HERPUD2: variants seen among roughly 807,000 people sequenced by gnomAD.
The protein encoded by HERPUD2 is homocysteine-responsive endoplasmic reticulum-resident ubiquitin-like domain member 2 protein.
A neutral mutation model predicts 49.9 loss-of-function variants in HERPUD2; 13 were observed. The observed-to-expected ratio is 0.26, with a 90% confidence interval of 0.17 to 0.41. The LOEUF (loss-of-function observed/expected upper bound fraction) is 0.41, where lower values mean the gene tolerates loss of function less well. Ranked by LOEUF, HERPUD2 falls within the 10% of genes least tolerant of loss-of-function variation. The pLI is 1.00. For missense variants in HERPUD2, 449 were observed against 492.2 expected (o/e 0.91, Z 0.83); for synonymous variants, 172 against 171.4 (o/e 1.00, Z -0.03).
At chr7:35,687,870 A>C (rs1288375291) in intron 2 of HERPUD2, among the ~76,000 whole-genome samples, 2 of 152,196 alleles carry the variant, frequency 1.3e-5, no homozygotes, top group Non-Finnish European at 2.9e-5. Flanking sequence ...CAAATGATTA[A>C]ATTTTTTATG....
intron 2 of HERPUD2, among the ~76,000 whole-genome samples, chr7:35,693,860 A>C (rs557466424): frequency 6.6e-6 from 1 of 151,980 alleles, no homozygotes; most frequent in Admixed American, 6.5e-5. Context: ...CTGGTCTCGA[A>C]CTCCTGACCT....
intron 2 of HERPUD2, among the ~76,000 whole-genome samples, chr7:35,678,046 T>A (rs1250672402): frequency 4.6e-5 from 7 of 152,124 alleles, no homozygotes; most frequent in Non-Finnish European, 7.4e-5. Flanking sequence ...TCAGTTAACA[T>A]CAGGTGCAAA....
intron 5 of HERPUD2, among the ~76,000 whole-genome samples, chr7:35,639,592 C>G (rs1240803277): frequency 6.6e-6 from 1 of 152,154 alleles, no homozygotes; most frequent in Non-Finnish European, 1.5e-5. Context: ...AGAAAATGCA[C>G]AATTCTTTGT....
At chr7:35,672,324 T>C (rs1349351171) in intron 3 of HERPUD2, among the ~76,000 whole-genome samples, 1 of 151,878 alleles carries the variant, frequency 6.6e-6, no homozygotes, top group Non-Finnish European at 1.5e-5. Context: ...TCCACTATTT[T>C]TGAGGGAGTG....
intron 5 of HERPUD2, among the ~76,000 whole-genome samples, chr7:35,643,567 T>A (rs903649059): frequency 5.3e-5 from 8 of 151,994 alleles, no homozygotes; most frequent in African/African-American, 1.7e-4. Flanking sequence ...AACATTTGTA[T>A]AAGAATGAGG....
chr7:35,675,487 T>A (rs1006499949), intron 2 of HERPUD2, among the ~76,000 whole-genome samples: 6 of 152,232 alleles, frequency 3.9e-5, no homozygotes, highest in Non-Finnish European at 8.8e-5. Flanking sequence ...ACAGTCATCA[T>A]AAACTATCAC....
At chr7:35,641,815 CAAGATGGTTTA>C (rs1784971614) in intron 5 of HERPUD2, among the ~76,000 whole-genome samples, 1 of 152,142 alleles carries the variant, frequency 6.6e-6, no homozygotes, top group Non-Finnish European at 1.5e-5. Flanking sequence ...AAAATCAACT[CAAGATGGTTTA>C]AAGACTTACA....
At chr7:35,643,795 T>TA (rs921257771) in intron 5 of HERPUD2, among the ~76,000 whole-genome samples, 2 of 147,642 alleles carry the variant, frequency 1.4e-5, no homozygotes, top group South Asian at 2.1e-4. Context: ...TTTATGTAAT[T>TA]AAAAAAAACT....
At chr7:35,657,008 C>A (rs780774803) in intron 5 of HERPUD2, among the ~76,000 whole-genome samples, 5 of 152,104 alleles carry the variant, frequency 3.3e-5, no homozygotes, top group Non-Finnish European at 5.9e-5. Context: ...CAAAAATAGA[C>A]AAATGAGACT....
intron 5 of HERPUD2, 42 bp downstream of exon 5, chr7:35,667,392 G>A: frequency 6.4e-7 from 1 of 1,564,450 alleles, no homozygotes; most frequent in Non-Finnish European, 8.7e-7. Flanking sequence ...TCATTTTTAG[G>A]GGGCCCCAAT....
chr7:35,635,019 T>TA, intron 7 of HERPUD2, 116 bp downstream of exon 7: 1 of 716,178 alleles, frequency 1.4e-6, no homozygotes, highest in Non-Finnish European at 2.3e-6. Flanking sequence ...GCCAGATATC[T>TA]AAAGCCCAGC....
At chr7:35,654,700 G>C (rs996329785) in intron 5 of HERPUD2, among the ~76,000 whole-genome samples, 1 of 130,472 alleles carries the variant, frequency 7.7e-6, no homozygotes, top group Non-Finnish European at 1.6e-5. Flanking sequence ...TTTAAAGACA[G>C]AATCATGCTC....
chr7:35,688,968 A>G (rs1422593598), intron 2 of HERPUD2, among the ~76,000 whole-genome samples: 1 of 152,226 alleles, frequency 6.6e-6, no homozygotes, highest in Non-Finnish European at 1.5e-5. Context: ...TATATGTGAT[A>G]AAGCATATCA....
At chr7:35,668,441 C>T (rs1290472887) in intron 4 of HERPUD2, 2 of 152,806 alleles carry the variant, frequency 1.3e-5, no homozygotes, top group East Asian at 3.8e-4. Flanking sequence ...ATTTAAAACA[C>T]AATTACATTT....
At chr7:35,669,278 A>C (rs148165903) in intron 4 of HERPUD2, among the ~76,000 whole-genome samples, 181 of 152,316 alleles carry the variant, frequency 1.2e-3, no homozygotes, top group African/African-American at 4.0e-3. Context: ...ACTAGGAAAT[A>C]GTTACCATTA....
rs1277529807 is a variant in HERPUD2 at position 35,682,242 on chromosome 7, CAT to C, written c.148-8966_148-8965del. Among the ~76,000 whole-genome samples the C allele has an allele frequency of 4.9e-4, 47 of 95,416 alleles. 3 individuals are homozygous for C. Among genetic ancestry groups the C allele is most frequent in the African/African-American group, 2.0e-3 (42 of 21,242 alleles). The allele number at this position is 95,416 out of a possible 152,430, so 62.6% of individuals were successfully genotyped here. A position where few individuals can be genotyped will look rare whatever the true frequency, so the allele number is the denominator to read the frequency against. On this transcript the variant is annotated intron_variant, in intron 2 of 8. Transcript: ENST00000311350. ...GTGTGTGTATATATAGATATATACA[CAT>C]ACACACGTGTGTGTGTGTATATATA...
At chr7:35,663,855 A>G (rs1436443144) in intron 5 of HERPUD2, among the ~76,000 whole-genome samples, 1 of 152,146 alleles carries the variant, frequency 6.6e-6, no homozygotes, top group Non-Finnish European at 1.5e-5. Flanking sequence ...CCAATTTGCC[A>G]GTCTGTGTCT....
intron 5 of HERPUD2, among the ~76,000 whole-genome samples, chr7:35,662,933 C>G (rs1335467053): frequency 6.6e-6 from 1 of 152,028 alleles, no homozygotes; most frequent in African/African-American, 2.4e-5. Flanking sequence ...GTTTGGTCTT[C>G]CTTCTCTAGT....
At chr7:35,676,739 T>C (rs893762424) in intron 2 of HERPUD2, among the ~76,000 whole-genome samples, 4 of 152,238 alleles carry the variant, frequency 2.6e-5, no homozygotes, top group Non-Finnish European at 5.9e-5. Context: ...ACTCATTTTA[T>C]TTGTATCTTC....
Sources: allele counts gnomAD v4.1 joint callset (sites outside exome capture counted in the v4.1 genomes callset), GRCh38; gene constraint gnomAD v4.1.1; transcripts MANE v1.5; gene names NCBI Gene and HGNC (gene_info 2026-07-23, HGNC 2026-07-21).